The following PCDHA5 variants were observed in gnomAD, a reference collection of about 807,000 sequenced individuals.
PCDHA5 encodes protocadherin alpha 5, also known as protocadherin alpha-5.
PCDHA5 carries 43 observed loss-of-function variants against 61.6 expected under a neutral mutation model. The observed-to-expected ratio is 0.70, with a 90% CI of 0.55 to 0.90. The LOEUF is 0.90. Among genes scored for constraint, PCDHA5 ranks in the 40% least tolerant of loss-of-function variants. The probability of loss-of-function intolerance (pLI) is 0.00; values close to 1 mark genes in which losing one functional copy is unlikely to be tolerated. For missense variants in PCDHA5, 1,298 were observed against 1,222.7 expected (o/e 1.06, Z -0.92); for synonymous variants, 627 against 543.9 (o/e 1.15, Z -2.13).
chr5:140,882,485 G>C, intron 1 of PCDHA5: 3 of 1,614,106 alleles, frequency 1.9e-6, no homozygotes, highest in Non-Finnish European at 2.5e-6. Flanking sequence ...AAGACACGGG[G>C]ACCTTCTGGA....
At chr5:140,870,751 C>T in intron 1 of PCDHA5, 3 of 1,613,546 alleles carry the variant, frequency 1.9e-6, no homozygotes, top group Non-Finnish European at 2.5e-6. Context: ...CAACGTGACG[C>T]TGCAGGTGTT....
intron 3 of PCDHA5, among the ~76,000 whole-genome samples, chr5:140,988,533 C>G (rs1395075166): frequency 6.6e-6 from 1 of 152,160 alleles, no homozygotes; most frequent in African/African-American, 2.4e-5. Flanking sequence ...CTGGCTCCAT[C>G]CATTCATGAC....
Position 140,823,435 on chromosome 5 carries a change from G to A in PCDHA5, c.1660G>A (p.Val554Met), listed in dbSNP as rs2150125810. The change falls in exon 1 of 4, where the codon GTG becomes ATG. Residue 554 changes from valine to methionine, a missense_variant. By Grantham distance (21) the Val-to-Met change is conservative (BLOSUM62 1). Coordinates refer to ENST00000529859, the MANE Select transcript of PCDHA5 (RefSeq NM_018908.3). The part of the protein sequence containing the change: ...LGSNVTLQVF[V>M]LDENDNAPAL... ...CAGCAACGTGACGCTGCAGGTGTTC[G>A]TGCTGGACGAGAACGACAACGCGCC... 6 of 1,613,288 alleles carry A rather than the reference G, an allele frequency of 3.7e-6. No homozygotes were observed. In the East Asian group the frequency reaches 6.7e-5, roughly 18 times the overall value.
chr5:140,923,498 C>T (rs1233893951), intron 1 of PCDHA5, among the ~76,000 whole-genome samples: 2 of 152,018 alleles, frequency 1.3e-5, no homozygotes, highest in African/African-American at 4.8e-5. Context: ...CACTGCACTC[C>T]AGCCTGGATG....
intron 1 of PCDHA5, chr5:140,870,230 G>A (rs782759965): frequency 9.3e-6 from 15 of 1,614,032 alleles, no homozygotes; most frequent in Non-Finnish European, 1.3e-5. Flanking sequence ...GTGTCTGACC[G>A]TGACTCAGGT....
At chr5:140,834,215 T>A (rs1425160106) in intron 1 of PCDHA5, 2 of 654,798 alleles carry the variant, frequency 3.1e-6, no homozygotes, top group Non-Finnish European at 5.1e-6. Flanking sequence ...TCTTTCGTAA[T>A]CAGCAAAAGG....
rs2150131929 is a variant in PCDHA5 at position 140,824,068 on chromosome 5, A to G, written c.2293A>G (p.Lys765Glu). The G allele has an allele frequency of 7.4e-6, 12 of 1,614,024 alleles. No homozygotes were observed. The highest frequency in any genetic ancestry group is 1.0e-5 in the Non-Finnish European group (12 of 1,180,022). ...GGTGTGCTCTGGGGAAGCTCCACCCAAAACAGACCTCATGGCCTTCAGTCC... is the reference window on the plus strand; with the variant it reads ...GGTGTGCTCTGGGGAAGCTCCACCCGAAACAGACCTCATGGCCTTCAGTCC... Reference protein sequence around the residue: ...QRVCSGEAPPKTDLMAFSPSL... With the variant: ...QRVCSGEAPPETDLMAFSPSL... The change falls in exon 1 of 4, where the codon AAA (lysine) becomes GAA (glutamate). Residue 765 changes from lysine to glutamate, a missense_variant. Physicochemically the swap from Lys to Glu is moderately conservative, Grantham distance 56. Coordinates refer to ENST00000529859, the MANE Select transcript of PCDHA5 (RefSeq NM_018908.3).
chr5:140,837,523 T>G (rs1775100881), intron 1 of PCDHA5, among the ~76,000 whole-genome samples: 1 of 151,982 alleles, frequency 6.6e-6, no homozygotes. Flanking sequence ...TTACTTTTTT[T>G]GTATATTCCC....
At chr5:140,861,430 A>G (rs370794784) in intron 1 of PCDHA5, 18 of 488,226 alleles carry the variant, frequency 3.7e-5, no homozygotes, top group African/African-American at 3.5e-4. Context: ...TTTCAGTTGG[A>G]TTCCAAAAGC....
chr5:140,975,461 G>A (rs2096668419), intron 1 of PCDHA5, among the ~76,000 whole-genome samples: 1 of 152,196 alleles, frequency 6.6e-6, no homozygotes, highest in Non-Finnish European at 1.5e-5. Context: ...GGCCATCTTG[G>A]AATTCTGCCT....
In PCDHA5 at chr5:140,843,066, C is replaced by G. The variant is rs2150351563; in HGVS notation, c.2352+18939C>G. 18 of 1,595,216 alleles carry G rather than the reference C, an allele frequency of 1.1e-5. 2 individuals are homozygous for G. Among genetic ancestry groups the G allele is most frequent in the East Asian group, 4.5e-5 (2 of 44,812 alleles). On this transcript the variant is annotated intron_variant, in intron 1 of 3. Coordinates refer to ENST00000529859, the MANE Select transcript of PCDHA5 (RefSeq NM_018908.3). ...GGTGGCGCAGCGAGCAAGCTGGTGC[C>G]GCGGTCTGTGGGCGCGGGCCACGTG...
At chr5:140,883,311 C>T (rs1562787016) in intron 1 of PCDHA5, 9 of 1,613,984 alleles carry the variant, frequency 5.6e-6, no homozygotes, top group Non-Finnish European at 7.6e-6. Flanking sequence ...GATAACGCCC[C>T]AGAGGTTACC....
intron 1 of PCDHA5, among the ~76,000 whole-genome samples, chr5:140,906,524 G>A (rs1401305370): frequency 2.0e-5 from 3 of 152,156 alleles, no homozygotes; most frequent in Non-Finnish European, 2.9e-5. Context: ...AAATACTCAC[G>A]ACAATTAAAA....
chr5:140,902,488 G>T (rs1357036471), intron 1 of PCDHA5, among the ~76,000 whole-genome samples: 2 of 152,096 alleles, frequency 1.3e-5, no homozygotes, highest in African/African-American at 4.8e-5. Context: ...TGCTCAGTAT[G>T]ATACTAGCTG....
chr5:140,862,491 C>T, intron 1 of PCDHA5: 1 of 387,444 alleles, frequency 2.6e-6, no homozygotes, highest in Admixed American at 3.4e-5. Flanking sequence ...TTGGTAATCG[C>T]TCGGAATGGG....
At chr5:140,868,895 G>C in intron 1 of PCDHA5, 2 of 777,188 alleles carry the variant, frequency 2.6e-6, no homozygotes, top group Non-Finnish European at 4.0e-6. Flanking sequence ...TAGGCGCAAG[G>C]TGTCGCTCTT....
intron 1 of PCDHA5, among the ~76,000 whole-genome samples, chr5:140,951,992 A>G (rs1469467629): frequency 6.6e-6 from 1 of 152,212 alleles, no homozygotes; most frequent in Non-Finnish European, 1.5e-5. Flanking sequence ...AAAACCAGCC[A>G]AAAGAAAGAA....
rs58232896 is a variant in PCDHA5 at position 140,946,262 on chromosome 5, C to T, written c.2353-32687C>T. Among the ~76,000 whole-genome samples the T allele has an allele frequency of 3.4e-3, 520 of 151,790 alleles. 2 individuals are homozygous for T. Among genetic ancestry groups the T allele is most frequent in the African/African-American group, 0.012 (483 of 41,394 alleles). On this transcript the variant is annotated intron_variant, in intron 1 of 3. Transcript: ENST00000529859. Reference sequence around the variant, plus strand: ...AACATCATGAATCATCAGAAAAATGCGAATTAAAACCCCAATGAGATATCA... The same window carrying T: ...AACATCATGAATCATCAGAAAAATGTGAATTAAAACCCCAATGAGATATCA...
In PCDHA5 at chr5:141,011,598, G is replaced by A. The variant is rs530366689; in HGVS notation, c.*1661G>A. ...TTAAATCAAGATACTGGTGATTCAA[G>A]GAATTTTATTTATGGTCCAGCCAAG... On this transcript the variant is annotated 3_prime_UTR_variant, in exon 4 of 4. Transcript: ENST00000529859. 6.5e-6 allele frequency: 1 copy of A among 153,736 alleles called. No homozygotes were observed. Among genetic ancestry groups the A allele is most frequent in the Non-Finnish European group, 1.5e-5 (1 of 68,012 alleles). The allele number at this position is 153,736 out of a possible 1,614,324, so 9.5% of individuals were successfully genotyped here.
Sources: gnomAD v4.1 joint callset for allele counts (sites outside exome capture counted in the v4.1 genomes callset) on GRCh38, gnomAD v4.1.1 for gene constraint, MANE v1.5 for transcripts, NCBI Gene and HGNC (gene_info 2026-07-23, HGNC 2026-07-21) for gene names.